The following ZNF318 variants were observed in gnomAD, a reference collection of about 807,000 sequenced individuals.
The protein encoded by ZNF318 is zinc finger protein 318.
Under a neutral mutation model 124.2 loss-of-function variants are expected in ZNF318, and 51 were observed. The observed-to-expected ratio is 0.41, with a 90% CI of 0.33 to 0.52. The LOEUF (loss-of-function observed/expected upper bound fraction) is 0.52. Ranked by LOEUF, ZNF318 falls within the 20% of genes least tolerant of loss-of-function variation. The probability of loss-of-function intolerance (pLI) is 0.23; values close to 1 mark genes in which losing one functional copy is unlikely to be tolerated. For missense variants in ZNF318, 2,815 were observed against 2,811.2 expected, an observed-to-expected ratio of 1.00 and a Z score of -0.03; for synonymous variants, 1,090 against 1,040.7, an observed-to-expected ratio of 1.05 and a Z score of -0.91.
At position 43,337,774 on chromosome 6, in the gene ZNF318, G is replaced by C. The variant is rs761832989; in HGVS notation, c.6224C>G (p.Ser2075Cys). 4 of 1,614,192 alleles carry C rather than the reference G, an allele frequency of 2.5e-6. No homozygotes were observed. The highest frequency in any genetic ancestry group is 2.2e-5 in the East Asian group (1 of 44,880). Residue 2075 changes from serine to cysteine, a missense_variant, in exon 10 of 10, where the codon TCT (serine) becomes TGT (cysteine). This residue lies in a region of ZNF318 where 927 missense variants were observed against 820.6 expected (regional missense o/e 1.13). Coordinates refer to ENST00000361428, the MANE Select transcript of ZNF318 (RefSeq NM_014345.3). Reference sequence around the variant, plus strand: ...AAAGTCAAGCACCAAGGTTTTGGGAGAATCTAACGGAAACCCAGAAAAAGA... The same window carrying C: ...AAAGTCAAGCACCAAGGTTTTGGGACAATCTAACGGAAACCCAGAAAAAGA... ...IPSFSGFPLDSPKTLVLDFET... is the reference protein window; with the variant it reads ...IPSFSGFPLDCPKTLVLDFET...
rs554744939 is a variant in ZNF318 at position 43,339,567 on chromosome 6, T to C, written c.4431A>G (p.Lys1477=). 42 of 1,613,616 alleles carry C rather than the reference T, an allele frequency of 2.6e-5. No individual in the cohort carries two copies. The highest frequency in any genetic ancestry group is 3.5e-5 in the Non-Finnish European group (41 of 1,179,924). ...AQANAILAPV[K]SNPVVSQTLS... ...GAGTCTGAGATACAACTGGGTTTGA[T>C]TTTACTGGAGCCAAGATAGCATTTG... Residue 1477 remains lysine, a synonymous_variant, in exon 10 of 10, where the codon AAA becomes AAG. Transcript: ENST00000361428. The surrounding 1 kb of genome is among the most constrained non-coding windows in gnomAD (Gnocchi z 4.2).
chr6:43,364,150 G>A (rs955755293), intron 2 of ZNF318: 8 of 1,008,260 alleles, frequency 7.9e-6, no homozygotes, highest in Non-Finnish European at 1.2e-5. Flanking sequence ...CCATCTCTAA[G>A]ACCTACAGCT....
Position 43,339,219 on chromosome 6 carries a change from A to T in ZNF318, c.4779T>A (p.Gly1593=). The part of the protein sequence containing the change: ...TKGAPETKLS[G]GPLANGENSN... ...TATTTTCCCCATTGGCCAATGGACCACCACTTAGCTTAGTCTCAGGGGCCC... is the reference window on the plus strand; with the variant it reads ...TATTTTCCCCATTGGCCAATGGACCTCCACTTAGCTTAGTCTCAGGGGCCC... The change falls in exon 10 of 10, where the codon GGT becomes GGA. Residue 1593 remains glycine, a synonymous_variant. Transcript: ENST00000361428. The surrounding 1 kb of genome is among the most constrained non-coding windows in gnomAD (Gnocchi z 4.2). The T allele has an allele frequency of 6.2e-7, 1 of 1,614,108 alleles. No homozygotes were observed. Among genetic ancestry groups the T allele is most frequent in the Non-Finnish European group, 8.5e-7 (1 of 1,180,006 alleles).
chr6:43,348,102 G>T (rs537924927), intron 6 of ZNF318, among the ~76,000 whole-genome samples: 1 of 152,294 alleles, frequency 6.6e-6, no homozygotes, highest in East Asian at 1.9e-4. Context: ...GCTGGAACAA[G>T]AACATAGAAG....
intron 2 of ZNF318, chr6:43,363,871 G>C: frequency 1.3e-6 from 1 of 750,378 alleles, no homozygotes; most frequent in Non-Finnish European, 2.3e-6. Flanking sequence ...TGCCACCTGC[G>C]GGGCCATCAT....
rs1230597288 is a variant in ZNF318, at chr6:43,337,638, T to C, written c.6360A>G (p.Leu2120=). Reference sequence around the variant, plus strand: ...GGTCAAGGGCCTGGTGTGTTCCCTCTAGGCCCCCCAAGCCACGGTCAACAT... The same window carrying C: ...GGTCAAGGGCCTGGTGTGTTCCCTCCAGGCCCCCCAAGCCACGGTCAACAT... The part of the protein sequence containing the change: ...TENVDRGLGG[L]EGTHQALDLL... The change falls in exon 10 of 10, where the codon CTA becomes CTG. Residue 2120 remains leucine, a synonymous_variant. Transcript: ENST00000361428. 6.2e-7 allele frequency: 1 copy of C among 1,614,164 alleles called. No individual in the cohort carries two copies. Among genetic ancestry groups the C allele is most frequent in the Non-Finnish European group, 8.5e-7 (1 of 1,180,018 alleles).
rs972504910 is a variant in ZNF318 at position 43,337,932 on chromosome 6, A to T, written c.6066T>A (p.Val2022=). ...GGCTTACCCGAGTAGTGCAGAAATC[A>T]ACAGGCATATCCCCCAGATTCCCCA... ...TALGNLGDMP[V]DFCTTRVSPA... Residue 2022 remains valine, a synonymous_variant, in exon 10 of 10, where the codon GTT becomes GTA. Coordinates refer to ENST00000361428, the MANE Select transcript of ZNF318 (RefSeq NM_014345.3). The T allele has an allele frequency of 2.5e-6, 4 of 1,614,218 alleles. No individual in the cohort carries two copies. Among genetic ancestry groups the T allele is most frequent in the Admixed American group, 3.3e-5 (2 of 60,030 alleles).
At chr6:43,368,143 T>C (rs1779786734) in intron 1 of ZNF318, among the ~76,000 whole-genome samples, 1 of 152,242 alleles carries the variant, frequency 6.6e-6, no homozygotes. Flanking sequence ...ACATTATTTC[T>C]AAAACTAAAC....
chr6:43,365,613 G>A (rs1387716003), intron 1 of ZNF318, among the ~76,000 whole-genome samples, 173 bp from the exon 2 acceptor site: 1 of 152,106 alleles, frequency 6.6e-6, no homozygotes, highest in African/African-American at 2.4e-5. Flanking sequence ...ACCAGTCTGG[G>A]CAACACAGAC....
chr6:43,357,527 G>T lies in ZNF318; in HGVS notation c.787C>A (p.Arg263=), dbSNP rs180716467. 129 of 1,614,090 alleles carry T rather than the reference G, an allele frequency of 8.0e-5. No homozygotes were observed. The highest frequency in any genetic ancestry group is 2.7e-5 in the African/African-American group (2 of 75,002). ...GCCTCCCGGCTCCTTTCTTCAGATCGTATGGAGTAGCCTTTGAGTTTTTCT... is the reference window on the plus strand; with the variant it reads ...GCCTCCCGGCTCCTTTCTTCAGATCTTATGGAGTAGCCTTTGAGTTTTTCT... ...NREKLKGYSI[R]SEERSREAKR... Residue 263 remains arginine, a synonymous_variant, in exon 3 of 10, where the codon CGA becomes AGA. Transcript: ENST00000361428.
At chr6:43,342,035 C>T (rs1382020294) in intron 8 of ZNF318, 77 bp downstream of exon 8, 2 of 1,293,294 alleles carry the variant, frequency 1.5e-6, no homozygotes, top group South Asian at 2.4e-5. Flanking sequence ...ATGCTGCTTC[C>T]TACAATGTTA....
intron 2 of ZNF318, among the ~76,000 whole-genome samples, chr6:43,361,225 A>AG (rs1779678129): frequency 6.6e-6 from 1 of 152,204 alleles, no homozygotes; most frequent in South Asian, 2.1e-4. Context: ...AGAAAATCAG[A>AG]GGGAAAAAAA....
rs568216850 is a variant in ZNF318, at chr6:43,344,383, T to A, written c.3073-1504A>T. Among the ~76,000 whole-genome samples, 59 of 152,286 alleles carry A rather than the reference T, an allele frequency of 3.9e-4. 1 individual carries two copies. The South Asian group carries it at 0.011, about 28-fold the overall frequency. ...GGAAATTATCATGTCAAACAACAGG[T>A]GATTTGATTGGTTAAATAAATTTTG... On this transcript the variant is annotated intron_variant, in intron 6 of 9. Transcript: ENST00000361428.
At chr6:43,368,513 C>G (rs1779791174) in intron 1 of ZNF318, among the ~76,000 whole-genome samples, 1 of 152,232 alleles carries the variant, frequency 6.6e-6, no homozygotes, top group Non-Finnish European at 1.5e-5. Context: ...AGACGTAAAG[C>G]CTGGTAGGGT....
Position 43,339,751 on chromosome 6 carries a change from A to C in ZNF318, c.4247T>G (p.Ile1416Ser), listed in dbSNP as rs1481256831. ...ISKAFGGEEV[I>S]LKGSPEEKVV... ...TTTTTCCTCTGGAGACCCTTTTAGAATCACCTCTTCCCCTCCAAATGCTTT... is the reference window on the plus strand; with the variant it reads ...TTTTTCCTCTGGAGACCCTTTTAGACTCACCTCTTCCCCTCCAAATGCTTT... Residue 1416 changes from isoleucine to serine, a missense_variant, in exon 10 of 10, where the codon ATT becomes AGT. By Grantham distance (142) the Ile-to-Ser change is moderately radical. Coordinates refer to ENST00000361428, the MANE Select transcript of ZNF318 (RefSeq NM_014345.3). The surrounding 1 kb of genome is among the most constrained non-coding windows in gnomAD (Gnocchi z 4.2). The C allele has an allele frequency of 2.5e-6, 4 of 1,614,068 alleles. No homozygotes were observed. The highest frequency in any genetic ancestry group is 3.4e-6 in the Non-Finnish European group (4 of 1,180,012).
intron 1 of ZNF318, 28 bp from the exon 2 acceptor site, chr6:43,365,468 G>C: frequency 6.2e-7 from 1 of 1,602,742 alleles, no homozygotes; most frequent in Non-Finnish European, 8.5e-7. Context: ...AATATGGTTA[G>C]TCAATAGGGT....
At position 43,338,788 on chromosome 6, in the gene ZNF318, T is replaced by G; in HGVS notation, c.5210A>C (p.Asp1737Ala). 6.2e-7 allele frequency: 1 copy of G among 1,614,110 alleles called. No individual in the cohort carries two copies. Residue 1737 changes from aspartate to alanine, a missense_variant, in exon 10 of 10, where the codon GAT (aspartate) becomes GCT (alanine). Asp to Ala is a moderately radical substitution (Grantham distance 126). Coordinates refer to ENST00000361428, the MANE Select transcript of ZNF318 (RefSeq NM_014345.3). The part of the protein sequence containing the change: ...PGVEPPPQLL[D>A]IQCKESQKLV... ...CTTCTGAGATTCTTTGCACTGTATA[T>G]CTAACAGTTGAGGAGGTGGTTCTAC... is the stretch of plus-strand genomic sequence containing the variant.
Position 43,355,376 on chromosome 6 carries a change from G to A in ZNF318, c.1958C>T (p.Ser653Leu), listed in dbSNP as rs1440028156. 1.2e-6 allele frequency: 2 copies of A among 1,614,176 alleles called. No homozygotes were observed. Among genetic ancestry groups the A allele is most frequent in the East Asian group, 2.2e-5 (1 of 44,888 alleles). The change falls in exon 4 of 10, where the codon TCA becomes TTA. Residue 653 changes from serine (S) to leucine (L), a missense_variant. Ser to Leu is a moderately radical substitution (Grantham distance 145). This residue lies in a region of ZNF318 where 1,377 missense variants were observed against 1,353.5 expected (regional missense o/e 1.02). Transcript: ENST00000361428. ...GTCAACTGAGGAACAGCGGTCAGCT[G>A]AGAAGCGGTGGTCAACTGAGGAACA... ...DHCSSVDHRF[S>L]ADRCSSVDHC...
At position 43,348,638 on chromosome 6, in the gene ZNF318, A is replaced by G. The variant is rs769441645; in HGVS notation, c.2771-13T>C. ...CGCAGCATTTCTCCTGAGCAATCAA[A>G]TGTCAACAAAAAGAAGCACAGGGAA... On this transcript the variant is annotated splice_polypyrimidine_tract_variant and intron_variant, in intron 5 of 9. Transcript: ENST00000361428. The G allele has an allele frequency of 6.2e-7, 1 of 1,605,850 alleles. No individual in the cohort carries two copies. The highest frequency in any genetic ancestry group is 8.5e-7 in the Non-Finnish European group (1 of 1,175,486).
Sources: gnomAD v4.1 joint callset for allele counts (sites outside exome capture counted in the v4.1 genomes callset) on GRCh38, gnomAD v4.1.1 for gene constraint, gnomAD v4.1.1 regional missense constraint, Gnocchi (gnomAD v3.1) non-coding constraint, MANE v1.5 for transcripts, NCBI Gene and HGNC (gene_info 2026-07-23, HGNC 2026-07-21) for gene names.